Variants in SOX5 observed in about 807,000 individuals in gnomAD.
The protein encoded by SOX5 is transcription factor SOX-5.
In SOX5, 9 loss-of-function variants were observed where a neutral mutation model predicts 92.0. That is an observed-to-expected ratio of 0.10 (90% CI 0.06 to 0.17). The LOEUF (loss-of-function observed/expected upper bound fraction) is 0.17. SOX5 is among the 10% of genes least tolerant of loss of function. SOX5 has a pLI of 1.00. For synonymous variants in SOX5, 344 were observed against 336.3 expected (o/e 1.02, Z -0.25); for missense variants, 642 against 944.5 (o/e 0.68, Z 4.20).
chr12:23,932,286 T>C (rs1941615194), intron 1 of SOX5, among the ~76,000 whole-genome samples: 1 of 151,638 alleles, frequency 6.6e-6, no homozygotes, highest in African/African-American at 2.4e-5. Flanking sequence ...AATGTCAATG[T>C]CAATGTCAAG....
chr12:23,819,385 AGAGATT>A (rs2096062283), intron 3 of SOX5, among the ~76,000 whole-genome samples: 1 of 152,188 alleles, frequency 6.6e-6, no homozygotes, highest in African/African-American at 2.4e-5. Context: ...TGTTTAGTTT[AGAGATT>A]AAGAGTGAAA....
chr12:24,428,901 A>G (rs1937645322), intron 1 of SOX5, among the ~76,000 whole-genome samples: 1 of 152,148 alleles, frequency 6.6e-6, no homozygotes, highest in South Asian at 2.1e-4. Context: ...TTCAAATACC[A>G]TTTATATCAC....
At chr12:24,009,543 T>G (rs899157954) in intron 4 of SOX5, among the ~76,000 whole-genome samples, 1 of 151,998 alleles carries the variant, frequency 6.6e-6, no homozygotes, top group Admixed American at 6.6e-5. Flanking sequence ...GAATCTTATG[T>G]ATATATATAT....
chr12:24,345,103 T>C lies in SOX5; in HGVS notation c.-174+23460A>G, dbSNP rs146315391. Among the ~76,000 whole-genome samples, 587 of 152,280 alleles carry C rather than the reference T, an allele frequency of 3.9e-3. 11 individuals carry two copies. The highest frequency in any genetic ancestry group is 0.036 in the Admixed American group (557 of 15,306). ...GAGTGGTCAGTCATACTCCTGAGGA[T>C]ATATGGTGGTGTATGGGGTAAGAGA... On this transcript the variant is annotated intron_variant, in intron 2 of 4. Coordinates refer to the SOX5 transcript ENST00000446891.
At chr12:23,685,913 C>G (rs2139911884) in intron 6 of SOX5, among the ~76,000 whole-genome samples, 1 of 152,256 alleles carries the variant, frequency 6.6e-6, no homozygotes, top group East Asian at 1.9e-4. Context: ...TATTGACTAT[C>G]AGCTGCAGTA....
At chr12:23,850,079 TCAA>T (rs1429752342) in intron 2 of SOX5, among the ~76,000 whole-genome samples, 1 of 152,152 alleles carries the variant, frequency 6.6e-6, no homozygotes, top group African/African-American at 2.4e-5. Flanking sequence ...ACTTTGGTGC[TCAA>T]CAAGTTTTGA....
intron 1 of SOX5, among the ~76,000 whole-genome samples, chr12:23,932,705 GT>G (rs1941715130): frequency 1.3e-5 from 2 of 151,526 alleles, no homozygotes; most frequent in South Asian, 4.2e-4. Flanking sequence ...AATGAAAAAG[GT>G]TTCTGTATCT....
intron 3 of SOX5, among the ~76,000 whole-genome samples, chr12:24,263,544 A>AAC (rs1942541037): frequency 6.7e-6 from 1 of 149,518 alleles, no homozygotes; most frequent in Non-Finnish European, 1.5e-5. Flanking sequence ...AAAAAAACAA[A>AAC]AAAAAAAACA....
chr12:24,091,322 G>T (rs754137090), intron 4 of SOX5, among the ~76,000 whole-genome samples: 5 of 152,010 alleles, frequency 3.3e-5, no homozygotes, highest in African/African-American at 1.2e-4. Flanking sequence ...TGTATCATTG[G>T]TGTTTTTCTA....
At chr12:24,180,578 G>A (rs1206793213) in intron 4 of SOX5, among the ~76,000 whole-genome samples, 3 of 152,060 alleles carry the variant, frequency 2.0e-5, no homozygotes, top group Admixed American at 2.0e-4. Context: ...GGTATGCAGT[G>A]CCCCTTTTAT....
chr12:23,674,736 TTG>T (rs749154616), intron 6 of SOX5, among the ~76,000 whole-genome samples: 1 of 152,056 alleles, frequency 6.6e-6, no homozygotes, highest in Non-Finnish European at 1.5e-5. Context: ...CATCTTTATA[TTG>T]TGTCTTATTT....
In SOX5 at chr12:23,846,107, C is replaced by T; in HGVS notation, c.357G>A (p.Gln119=). Residue 119 remains glutamine, a synonymous_variant, in exon 3 of 15, where the codon CAG becomes CAA. Coordinates refer to ENST00000451604, the MANE Select transcript of SOX5 (RefSeq NM_006940.6). ...CTGTACTAGACAAGGACTCGCCACT[C>T]TGTCGCCCACCTTCTTCTGCCTTCT... ...SPQKAEEGGR[Q]SGESLSSTAL... 1.9e-6 allele frequency: 3 copies of T among 1,614,156 alleles called. No individual in the cohort carries two copies. The highest frequency in any genetic ancestry group is 2.5e-6 in the Non-Finnish European group (3 of 1,180,010).
chr12:24,463,220 A>G lies in SOX5; in HGVS notation c.-250-94581T>C, dbSNP rs759870695. On this transcript the variant is annotated intron_variant, in intron 1 of 4. Coordinates refer to the SOX5 transcript ENST00000446891. ...AGACCTTGTTTCAAAAAAAAAGAAA[A>G]AAAAAAAGCTTATCTGTTTTCCCTT... 3.9e-5 allele frequency among the ~76,000 whole-genome samples: 6 copies of G among 152,268 alleles called. No homozygotes were observed. The South Asian group carries it at 1.2e-3, about 32-fold the overall frequency.
intron 4 of SOX5, among the ~76,000 whole-genome samples, chr12:24,175,081 G>A (rs575280026): frequency 6.6e-6 from 1 of 152,176 alleles, no homozygotes; most frequent in African/African-American, 2.4e-5. Flanking sequence ...AAACTACATG[G>A]AGCATGCAAA....
intron 4 of SOX5, among the ~76,000 whole-genome samples, chr12:24,090,257 T>C (rs899700674): frequency 6.6e-6 from 1 of 152,158 alleles, no homozygotes; most frequent in East Asian, 1.9e-4. Flanking sequence ...CCTTTCCAAA[T>C]CCTTACCTTC....
chr12:23,630,918 A>G (rs890392956), intron 8 of SOX5, among the ~76,000 whole-genome samples: 2 of 151,998 alleles, frequency 1.3e-5, no homozygotes, highest in Admixed American at 6.6e-5. Context: ...TGCTTTCATC[A>G]TTTTATCTTT....
chr12:23,801,752 A>T (rs913116801), intron 3 of SOX5, among the ~76,000 whole-genome samples: 17 of 152,168 alleles, frequency 1.1e-4, no homozygotes, highest in African/African-American at 3.9e-4. Context: ...TTTGGATTCC[A>T]ACCCTACGGT....
rs569079365 is a variant in SOX5, at chr12:24,374,497, C to T, written c.-250-5858G>A. On this transcript the variant is annotated intron_variant, in intron 1 of 4. Coordinates refer to the SOX5 transcript ENST00000446891. ...ATGCTCTGTTCTGCCCTCTCCAGAC[C>T]ACCACACACACACACACATACACAC... Among the ~76,000 whole-genome samples the T allele has an allele frequency of 2.3e-3, 336 of 147,044 alleles. 2 individuals carry two copies. Among genetic ancestry groups the T allele is most frequent in the Non-Finnish European group, 3.4e-3 (227 of 67,196 alleles).
chr12:24,116,415 A>AAAT (rs148608401), intron 4 of SOX5, among the ~76,000 whole-genome samples: 7,920 of 152,244 alleles, frequency 0.052, 215 homozygotes, highest in South Asian at 0.069. Flanking sequence ...AGATGAGAAA[A>AAAT]AATATCTCAA....
Sources: allele counts gnomAD v4.1 joint callset (sites outside exome capture counted in the v4.1 genomes callset), GRCh38; gene constraint gnomAD v4.1.1; transcripts MANE v1.5; gene names NCBI Gene and HGNC (gene_info 2026-07-23, HGNC 2026-07-21).